CNTNAP2: variants seen among roughly 807,000 people sequenced by gnomAD.
CNTNAP2 encodes the protein contactin-associated protein-like 2.
Under a neutral mutation model 155.2 loss-of-function variants are expected in CNTNAP2, and 98 were observed. That is an observed-to-expected ratio of 0.63 (90% CI 0.54 to 0.75). The LOEUF is 0.75. Ranked by LOEUF, CNTNAP2 falls within the 30% of genes least tolerant of loss-of-function variation. CNTNAP2 has a pLI of 0.00. For missense variants in CNTNAP2, 1,727 were observed against 1,688.1 expected, an observed-to-expected ratio of 1.02 and a Z score of -0.40; for synonymous variants, 651 against 631.2, an observed-to-expected ratio of 1.03 and a Z score of -0.47.
Position 148,365,827 on chromosome 7 carries a change from T to C in CNTNAP2, c.3476-17822T>C, listed in dbSNP as rs572043486. Among the ~76,000 whole-genome samples the C allele has an allele frequency of 1.1e-4, 12 of 113,608 alleles. 1 individual carries two copies. Among genetic ancestry groups the C allele is most frequent in the African/African-American group, 4.2e-4 (10 of 24,068 alleles). The allele number at this position is 113,608 out of a possible 152,430, so 74.5% of individuals were successfully genotyped here. ...GTGTATGCATGTATACATGCATGTGTATGCATGTATACATGCATGTGTATG... is the reference window on the plus strand; with the variant it reads ...GTGTATGCATGTATACATGCATGTGCATGCATGTATACATGCATGTGTATG... On this transcript the variant is annotated intron_variant, in intron 21 of 23. Transcript: ENST00000361727.
intron 13 of CNTNAP2, among the ~76,000 whole-genome samples, chr7:147,690,877 T>A (rs548429518): frequency 6.6e-6 from 1 of 152,280 alleles, no homozygotes; most frequent in East Asian, 1.9e-4. Flanking sequence ...TGCAATGTAA[T>A]TATTGCTTAT....
chr7:146,406,600 A>G (rs371080877), intron 1 of CNTNAP2, among the ~76,000 whole-genome samples: 4 of 152,346 alleles, frequency 2.6e-5, no homozygotes, highest in African/African-American at 9.6e-5. Flanking sequence ...TGAAGCACCC[A>G]GTCAAAGACT....
intron 5 of CNTNAP2, among the ~76,000 whole-genome samples, chr7:147,117,308 T>A (rs1233330545): frequency 3.3e-5 from 5 of 152,152 alleles, no homozygotes; most frequent in Non-Finnish European, 5.9e-5. Context: ...CAAGATCTCC[T>A]AATCTGTGAG....
chr7:146,424,302 G>C (rs1271943184), intron 1 of CNTNAP2, among the ~76,000 whole-genome samples: 1 of 152,150 alleles, frequency 6.6e-6, no homozygotes, highest in Non-Finnish European at 1.5e-5. Context: ...TAACGGCTAT[G>C]ATTGATTACA....
At chr7:147,505,476 A>G (rs1161742439) in intron 11 of CNTNAP2, among the ~76,000 whole-genome samples, 2 of 152,224 alleles carry the variant, frequency 1.3e-5, no homozygotes, top group Non-Finnish European at 2.9e-5. Flanking sequence ...TAGTGTACAC[A>G]CTAAAGTGTG....
At chr7:146,821,146 A>T (rs932231774) in intron 2 of CNTNAP2, among the ~76,000 whole-genome samples, 1 of 152,034 alleles carries the variant, frequency 6.6e-6, no homozygotes, top group African/African-American at 2.4e-5. Context: ...TTTTAATTGG[A>T]GCATTTACCC....
intron 12 of CNTNAP2, among the ~76,000 whole-genome samples, chr7:147,618,267 T>C (rs77639072): frequency 0.016 from 2,367 of 152,330 alleles, 43 homozygotes; most frequent in African/African-American, 0.042. Flanking sequence ...AAAGTAACTA[T>C]AGTAGACCAT....
chr7:146,891,729 G>A (rs147479217), intron 3 of CNTNAP2, among the ~76,000 whole-genome samples: 197 of 152,256 alleles, frequency 1.3e-3, no homozygotes, highest in African/African-American at 3.3e-3. Context: ...TGACAAATAC[G>A]TGGTGGTAAT....
At chr7:146,254,781 T>A (rs1469989473) in intron 1 of CNTNAP2, among the ~76,000 whole-genome samples, 1 of 152,124 alleles carries the variant, frequency 6.6e-6, no homozygotes, top group African/African-American at 2.4e-5. Flanking sequence ...GAGAAAAAGA[T>A]GATCAGAACT....
At chr7:146,287,897 G>A (rs1800362293) in intron 1 of CNTNAP2, among the ~76,000 whole-genome samples, 1 of 152,102 alleles carries the variant, frequency 6.6e-6, no homozygotes, top group African/African-American at 2.4e-5. Flanking sequence ...CTTTGTAAAT[G>A]TTACATCTGC....
chr7:148,282,074 C>G (rs1796984031), intron 21 of CNTNAP2, among the ~76,000 whole-genome samples: 1 of 152,156 alleles, frequency 6.6e-6, no homozygotes, highest in East Asian at 1.9e-4. Flanking sequence ...CCACCCACCT[C>G]GGCCTCCTAA....
intron 3 of CNTNAP2, among the ~76,000 whole-genome samples, chr7:146,901,603 C>T (rs1449120688): frequency 2.6e-5 from 4 of 151,998 alleles, no homozygotes; most frequent in Admixed American, 2.0e-4. Context: ...TTCTAGATTC[C>T]TTATGGAATT....
At chr7:148,022,276 C>A (rs984454419) in intron 15 of CNTNAP2, among the ~76,000 whole-genome samples, 1 of 151,912 alleles carries the variant, frequency 6.6e-6, no homozygotes, top group Non-Finnish European at 1.5e-5. Flanking sequence ...GAGACCAGCC[C>A]GGGAAACGCG....
chr7:148,079,860 C>T (rs573727661), intron 15 of CNTNAP2, among the ~76,000 whole-genome samples: 1 of 152,260 alleles, frequency 6.6e-6, no homozygotes, highest in Non-Finnish European at 1.5e-5. Flanking sequence ...AACCCCCACT[C>T]CCCATCATGA....
intron 1 of CNTNAP2, among the ~76,000 whole-genome samples, chr7:146,225,769 C>T (rs1253639720): frequency 6.6e-6 from 1 of 152,166 alleles, no homozygotes; most frequent in Non-Finnish European, 1.5e-5. Context: ...AATCTCCTAC[C>T]ACTTCCACAG....
intron 4 of CNTNAP2, among the ~76,000 whole-genome samples, chr7:147,056,043 G>T (rs1799555246): frequency 6.6e-6 from 1 of 152,066 alleles, no homozygotes; most frequent in Non-Finnish European, 1.5e-5. Flanking sequence ...TGTTTGCTTT[G>T]TGTAAATTTG....
chr7:146,942,547 A>G (rs1312689277), intron 3 of CNTNAP2, among the ~76,000 whole-genome samples: 1 of 152,140 alleles, frequency 6.6e-6, no homozygotes, highest in African/African-American at 2.4e-5. Context: ...ATTATTAAAA[A>G]CAAAAAACTT....
intron 8 of CNTNAP2, among the ~76,000 whole-genome samples, chr7:147,158,932 T>G (rs960378847): frequency 6.6e-6 from 1 of 152,098 alleles, no homozygotes; most frequent in African/African-American, 2.4e-5. Flanking sequence ...ATAAAACTGA[T>G]GTATAAAAGT....
In CNTNAP2 at chr7:147,195,322, G is replaced by T. The variant is rs562068179; in HGVS notation, c.1348+62813G>T. 2.6e-5 allele frequency among the ~76,000 whole-genome samples: 4 copies of T among 152,072 alleles called. No individual in the cohort carries two copies. The East Asian group carries it at 7.7e-4, about 29-fold the overall frequency. The stretch of plus-strand genomic sequence containing the variant: ...AGTACCATGCTGTTTTGGTTACTGT[G>T]GTCTTATAGGATAGTTTGAAGTTAG... On this transcript the variant is annotated intron_variant, in intron 8 of 23. Transcript: ENST00000361727.
Sources: gnomAD v4.1 joint callset for allele counts (sites outside exome capture counted in the v4.1 genomes callset) on GRCh38, gnomAD v4.1.1 for gene constraint, MANE v1.5 for transcripts, NCBI Gene and HGNC (gene_info 2026-07-23, HGNC 2026-07-21) for gene names.